CSTPP1: variants seen among roughly 807,000 people sequenced by gnomAD.
CSTPP1 encodes the protein centriolar satellite-associated tubulin polyglutamylase complex regulator 1, also known as UPF0705 protein C11orf49.
At chr11:46,973,508 A>G in the CSTPP1 span, among the ~76,000 whole-genome samples, 1 of 152,190 alleles carries the variant, frequency 6.6e-6, no homozygotes, top group South Asian at 2.1e-4. Context: ...GGACTCAAGC[A>G]TATATTTTTC....
chr11:47,143,710 T>C, the CSTPP1 span, among the ~76,000 whole-genome samples: 3 of 152,196 alleles, frequency 2.0e-5, no homozygotes, highest in Non-Finnish European at 2.9e-5. Context: ...CCATCCTCCA[T>C]GGACTGGAAG....
At chr11:46,948,475 G>A in the CSTPP1 span, among the ~76,000 whole-genome samples, 1 of 151,878 alleles carries the variant, frequency 6.6e-6, no homozygotes, top group Admixed American at 6.5e-5. Flanking sequence ...AGAAGAGGAT[G>A]CCTTATGCTG....
chr11:46,967,167 T>C, the CSTPP1 span, among the ~76,000 whole-genome samples: 2 of 152,236 alleles, frequency 1.3e-5, no homozygotes, highest in African/African-American at 4.8e-5. Context: ...TATTTTCTTC[T>C]GGAAGTTTTA....
At chr11:47,164,155 T>C in the CSTPP1 span, 1 of 1,613,796 alleles carries the variant, frequency 6.2e-7, no homozygotes, top group Non-Finnish European at 8.5e-7. Context: ...CCAGGGGCCT[T>C]TGGCTTTCAG....
At chr11:47,143,825 G>A in the CSTPP1 span, among the ~76,000 whole-genome samples, 3 of 152,292 alleles carry the variant, frequency 2.0e-5, no homozygotes, top group East Asian at 5.8e-4. Context: ...TTTAATTTGA[G>A]CCTGTTTCCT....
chr11:47,054,637 G>T, the CSTPP1 span, among the ~76,000 whole-genome samples: 3 of 152,270 alleles, frequency 2.0e-5, no homozygotes, highest in African/African-American at 7.2e-5. Flanking sequence ...GAGTGGTGTG[G>T]TGATATCTGA....
At chr11:47,161,375 G>A in the CSTPP1 span, 259,599 of 1,593,184 alleles carry the variant, frequency 0.16, 23,688 homozygotes, top group South Asian at 0.32. Context: ...CAGCCCAGGG[G>A]TTTACCCTAG....
chr11:46,937,913 GAC>G, the CSTPP1 span, among the ~76,000 whole-genome samples: 9 of 151,090 alleles, frequency 6.0e-5, no homozygotes, highest in Non-Finnish European at 1.0e-4. Flanking sequence ...TGTTTTTTGA[GAC>G]AGAGTTTCTC....
At chr11:46,967,204 A>G in the CSTPP1 span, among the ~76,000 whole-genome samples, 3 of 152,168 alleles carry the variant, frequency 2.0e-5, no homozygotes, top group Non-Finnish European at 4.4e-5. Context: ...ATTTAGGTCT[A>G]TGGCCCATTC....
chr11:46,939,007 G>A, the CSTPP1 span, among the ~76,000 whole-genome samples: 2 of 150,936 alleles, frequency 1.3e-5, no homozygotes, highest in Admixed American at 1.3e-4. Flanking sequence ...GAACTCCAGG[G>A]CTCAAGCAAG....
At chr11:47,138,103 G>T in the CSTPP1 span, 1 of 209,036 alleles carries the variant, frequency 4.8e-6, no homozygotes, top group South Asian at 1.4e-4. Context: ...CCCAAGACTG[G>T]GTAATTTATG....
chr11:47,161,063 G>A, the CSTPP1 span: 1 of 1,600,898 alleles, frequency 6.2e-7, no homozygotes, highest in South Asian at 1.1e-5. Context: ...GAGGGGCATG[G>A]AGGAATCTGT....
At chr11:47,117,877 C>CTTTTTTTTTTTTTTTTTTT in the CSTPP1 span, among the ~76,000 whole-genome samples, 1 of 66,372 alleles carries the variant, frequency 1.5e-5, no homozygotes, top group Non-Finnish European at 2.8e-5. Context: ...TATTTCTTTT[C>CTTTTTTTTTTTTTTTTTTT]TTTTTTTTTT....
At chr11:47,155,293 A>T in the CSTPP1 span, 1 of 1,569,502 alleles carries the variant, frequency 6.4e-7, no homozygotes, top group Non-Finnish European at 8.8e-7. Context: ...CTGGCTCCGC[A>T]CAGGACCCTG....
chr11:46,958,934 G>T, the CSTPP1 span, among the ~76,000 whole-genome samples: 256 of 152,276 alleles, frequency 1.7e-3, no homozygotes, highest in African/African-American at 5.9e-3. Context: ...ATTGGTGAAG[G>T]TGAATCTTCT....
At chr11:47,036,932 C>T in the CSTPP1 span, among the ~76,000 whole-genome samples, 4 of 126,858 alleles carry the variant, frequency 3.2e-5, no homozygotes, top group African/African-American at 9.9e-5. Context: ...CCGCCCACCT[C>T]GGCCTCCCAA....
At chr11:46,984,746 G>GAAAAAA in the CSTPP1 span, among the ~76,000 whole-genome samples, 2 of 111,430 alleles carry the variant, frequency 1.8e-5, no homozygotes, top group African/African-American at 6.6e-5. Flanking sequence ...CCATCAAAAA[G>GAAAAAA]AAAAAAAAAA....
chr11:46,937,058 GGGCT>G, the CSTPP1 span, among the ~76,000 whole-genome samples: 1 of 152,118 alleles, frequency 6.6e-6, no homozygotes, highest in Non-Finnish European at 1.5e-5. Context: ...TGAAGTGTAG[GGGCT>G]GGAACTCAGG....
At chr11:46,964,462 T>C in the CSTPP1 span, among the ~76,000 whole-genome samples, 4 of 152,120 alleles carry the variant, frequency 2.6e-5, no homozygotes, top group African/African-American at 9.7e-5. Context: ...ATATTTTGTA[T>C]TTTTAGTAGA....
Sources: allele counts gnomAD v4.1 joint callset (sites outside exome capture counted in the v4.1 genomes callset), GRCh38; gene constraint gnomAD v4.1.1; transcripts MANE v1.5; gene names NCBI Gene and HGNC (gene_info 2026-07-23, HGNC 2026-07-21).